FARSB: variants seen among roughly 807,000 people sequenced by gnomAD.
FARSB encodes the protein phenylalanine--tRNA ligase beta subunit.
In FARSB, 40 loss-of-function variants were observed where a neutral mutation model predicts 69.6. That is an observed-to-expected ratio of 0.57 (90% confidence interval 0.45 to 0.75). The LOEUF (loss-of-function observed/expected upper bound fraction) is 0.75, where lower values mean the gene tolerates loss of function less well. Among genes scored for constraint, FARSB ranks in the 30% least tolerant of loss-of-function variants. The pLI is 0.00. For synonymous variants in FARSB, 235 were observed against 247.2 expected (o/e 0.95, Z 0.46); for missense variants, 632 against 722.9 (o/e 0.87, Z 1.44).
intron 13 of FARSB, 152 bp from the exon 14 acceptor site, chr2:222,619,889 T>G: frequency 2.0e-6 from 1 of 501,030 alleles, no homozygotes; most frequent in Admixed American, 3.2e-5. Context: ...CTGAAGTAAA[T>G]GTAATAATAA....
At chr2:222,640,972 G>C (rs1213121535) in intron 3 of FARSB, 41 bp from the exon 4 acceptor site, 2 of 979,382 alleles carry the variant, frequency 2.0e-6, no homozygotes, top group South Asian at 3.1e-5. Flanking sequence ...AATTAATCAA[G>C]ACATTATATA....
intron 5 of FARSB, among the ~76,000 whole-genome samples, chr2:222,638,191 G>A (rs969018714): frequency 2.0e-5 from 3 of 152,096 alleles, no homozygotes; most frequent in Admixed American, 6.6e-5. Flanking sequence ...CTTGAAATAC[G>A]TAAACTTCCA....
chr2:222,624,362 A>G lies in FARSB; in HGVS notation c.1080T>C (p.His360=). The change falls in exon 12 of 17, where the codon CAT becomes CAC. Residue 360 remains histidine, a synonymous_variant. Coordinates refer to ENST00000281828, the MANE Select transcript of FARSB (RefSeq NM_005687.5). The stretch of plus-strand genomic sequence containing the variant: ...CTGCATCTTCTACAATATCACATGC[A>G]TGGATAATGTCAGCTCTGGTTGGAG... ...EIPPTRADII[H]ACDIVEDAAI... is the part of the protein sequence containing the mutation. 4 of 1,610,634 alleles carry G rather than the reference A, an allele frequency of 2.5e-6. No homozygotes were observed. Among genetic ancestry groups the G allele is most frequent in the Non-Finnish European group, 3.4e-6 (4 of 1,176,800 alleles).
intron 3 of FARSB, among the ~76,000 whole-genome samples, chr2:222,642,598 G>A (rs557135138): frequency 1.3e-5 from 2 of 152,182 alleles, no homozygotes; most frequent in East Asian, 1.9e-4. Context: ...TTTTTAAGAC[G>A]CCATAAAAGC....
intron 15 of FARSB, among the ~76,000 whole-genome samples, chr2:222,613,218 TTA>T (rs1690903264): frequency 6.6e-6 from 1 of 152,208 alleles, no homozygotes; most frequent in South Asian, 2.1e-4. Flanking sequence ...AAAATTAAAT[TTA>T]TAAAACAAAA....
chr2:222,593,233 A>C (rs1690324244), intron 16 of FARSB, among the ~76,000 whole-genome samples: 1 of 152,160 alleles, frequency 6.6e-6, no homozygotes, highest in Non-Finnish European at 1.5e-5. Flanking sequence ...TTCCATATTA[A>C]AATGGTTTGC....
chr2:222,631,321 A>T (rs1468020736), intron 8 of FARSB, among the ~76,000 whole-genome samples: 2 of 152,154 alleles, frequency 1.3e-5, no homozygotes, highest in East Asian at 3.8e-4. Flanking sequence ...TACGTATATG[A>T]CTAACTCTCC....
chr2:222,610,136 A>T (rs1433440671), intron 15 of FARSB, among the ~76,000 whole-genome samples: 1 of 152,144 alleles, frequency 6.6e-6, no homozygotes, highest in African/African-American at 2.4e-5. Context: ...AAAAGAACTT[A>T]AAAATCTTTT....
chr2:222,613,704 T>C (rs1690916842), intron 15 of FARSB, 107 bp downstream of exon 15: 6 of 676,820 alleles, frequency 8.9e-6, no homozygotes, highest in East Asian at 8.1e-5. Context: ...GCTGGGTACA[T>C]AGGGGCTAAT....
rs182745548 is a variant in FARSB, at chr2:222,594,224, C to G, written c.1618+5704G>C. Among the ~76,000 whole-genome samples, 26 of 151,124 alleles carry G rather than the reference C, an allele frequency of 1.7e-4. No individual in the cohort carries two copies. In the East Asian group the frequency reaches 4.7e-3, roughly 27 times the overall value. The stretch of plus-strand genomic sequence containing the variant: ...TGCCACTACACTCTAGCCTGGGCAA[C>G]ACAGCAAGACCCTGTCTCAAAAAAT... On this transcript the variant is annotated intron_variant, in intron 16 of 16. Coordinates refer to ENST00000281828, the MANE Select transcript of FARSB (RefSeq NM_005687.5).
chr2:222,628,186 G>A (rs1018002248), intron 10 of FARSB, among the ~76,000 whole-genome samples: 5 of 152,164 alleles, frequency 3.3e-5, no homozygotes, highest in Non-Finnish European at 4.4e-5. Flanking sequence ...ATCTTAAAAG[G>A]AGTGAGACTA....
chr2:222,603,671 T>A (rs1405943568), intron 15 of FARSB, among the ~76,000 whole-genome samples: 1 of 131,522 alleles, frequency 7.6e-6, no homozygotes, highest in Non-Finnish European at 1.7e-5. Flanking sequence ...ATTAATATAA[T>A]TAATATTATA....
chr2:222,583,012 A>C (rs1690013098), intron 16 of FARSB, among the ~76,000 whole-genome samples: 2 of 152,196 alleles, frequency 1.3e-5, no homozygotes, highest in Admixed American at 6.5e-5. Context: ...TAACACAGGA[A>C]CAGAAAACCA....
intron 4 of FARSB, among the ~76,000 whole-genome samples, chr2:222,640,495 G>A (rs1476938310): frequency 1.3e-5 from 2 of 151,388 alleles, no homozygotes; most frequent in Non-Finnish European, 2.9e-5. Flanking sequence ...GTGGTGGCGT[G>A]TGTCTGTACT....
At chr2:222,608,297 G>A (rs1281337351) in intron 15 of FARSB, among the ~76,000 whole-genome samples, 1 of 152,084 alleles carries the variant, frequency 6.6e-6, no homozygotes, top group Non-Finnish European at 1.5e-5. Context: ...ATTATTTGAG[G>A]GCTCCAGAAT....
intron 14 of FARSB, 44 bp from the exon 15 acceptor site, chr2:222,613,972 A>C: frequency 8.7e-7 from 1 of 1,147,306 alleles, no homozygotes. Context: ...ATAGGACCCA[A>C]ACAAAGACAC....
At chr2:222,581,747 A>C (rs905763119) in intron 16 of FARSB, among the ~76,000 whole-genome samples, 1 of 152,258 alleles carries the variant, frequency 6.6e-6, no homozygotes, top group Non-Finnish European at 1.5e-5. Context: ...AAACTAGAGA[A>C]GATTGACAAA....
rs548159804 is a variant in FARSB at position 222,634,468 on chromosome 2, G to A, written c.529C>T (p.Arg177Cys). 2.5e-6 allele frequency: 4 copies of A among 1,611,448 alleles called. No individual in the cohort carries two copies. Among genetic ancestry groups the A allele is most frequent in the African/African-American group, 1.3e-5 (1 of 74,986 alleles). ...LSGPFTYTAK[R>C]PSDIKFKPLN... is the part of the protein sequence containing the mutation. ...GGCTTGAATTTGATATCTGAAGGAC[G>A]CTTTGCAGTATAAGTAAATGGGCCC... The change falls in exon 6 of 17, where the codon CGT (arginine) becomes TGT (cysteine). Residue 177 changes from arginine (R) to cysteine (C), a missense_variant. Transcript: ENST00000281828.
At chr2:222,623,514 TA>T (rs1340293143) in intron 13 of FARSB, 135 bp downstream of exon 13, 3 of 699,506 alleles carry the variant, frequency 4.3e-6, no homozygotes, top group Non-Finnish European at 7.7e-6. Context: ...TAATCTCAAG[TA>T]ACAAAGTTAT....
Sources: gnomAD v4.1 joint callset for allele counts (sites outside exome capture counted in the v4.1 genomes callset) on GRCh38, gnomAD v4.1.1 for gene constraint, MANE v1.5 for transcripts, NCBI Gene and HGNC (gene_info 2026-07-23, HGNC 2026-07-21) for gene names.